PIEZO1: variants seen among roughly 807,000 people sequenced by gnomAD.
The protein encoded by PIEZO1 is piezo type mechanosensitive ion channel component 1 (Er blood group), also known as piezo-type mechanosensitive ion channel component 1.
A neutral mutation model predicts 297.2 loss-of-function variants in PIEZO1; 296 were observed. The ratio of observed to expected loss-of-function variants is 1.00; its 90% CI spans 0.91 to 1.10. The LOEUF (loss-of-function observed/expected upper bound fraction) is 1.10, where lower values mean the gene tolerates loss of function less well. Among genes scored for constraint, PIEZO1 ranks in the 50% least tolerant of loss-of-function variants. PIEZO1 has a pLI of 0.00. For missense variants in PIEZO1, 5,018 were observed against 3,455.5 expected (o/e 1.45, Z -11.34); for synonymous variants, 2,427 against 1,507.5 (o/e 1.61, Z -14.13).
intron 1 of PIEZO1, among the ~76,000 whole-genome samples, chr16:88,774,718 C>T (rs1057260889): frequency 6.6e-6 from 1 of 152,218 alleles, no homozygotes; most frequent in Admixed American, 6.5e-5. Flanking sequence ...TGTCTTATGC[C>T]ACAGTGGCTG....
At position 88,733,664 on chromosome 16, in the gene PIEZO1, A is replaced by T. The variant is rs1211768487; in HGVS notation, c.2411T>A (p.Val804Glu). The change falls in exon 18 of 51, where the codon GTG (valine) becomes GAG (glutamate). Residue 804 changes from valine (V) to glutamate (E), a missense_variant. By Grantham distance (121) the Val-to-Glu change is moderately radical (BLOSUM62 -2). Coordinates refer to ENST00000301015, the MANE Select transcript of PIEZO1 (RefSeq NM_001142864.4). ...AAGCTCCAGCAGCCGCCGCAGGAACACCTGCACGCGTGAGAGGACGTCCGA... is the reference window on the plus strand; with the variant it reads ...AAGCTCCAGCAGCCGCCGCAGGAACTCCTGCACGCGTGAGAGGACGTCCGA... ...GFSDVLSRVQ[V>E]FLRRLLELHV... 1 of 1,549,684 alleles carries T rather than the reference A, an allele frequency of 6.5e-7. No individual in the cohort carries two copies.
At position 88,734,881 on chromosome 16, in the gene PIEZO1, G is replaced by C. The variant is rs1046127930; in HGVS notation, c.1842C>G (p.Leu614=). Residue 614 remains leucine (L), a synonymous_variant, in exon 14 of 51, where the codon CTC becomes CTG. Coordinates refer to ENST00000301015, the MANE Select transcript of PIEZO1 (RefSeq NM_001142864.4). ...ATCCCGGCCCCCCAGCCACCTGGAA[G>C]AGGGTGAGGCAGAGCAGGAAGAGGA... ...YMFLFLLCLT[L]FQVYYSLWRK... The C allele has an allele frequency of 2.9e-5, 45 of 1,550,244 alleles. No individual in the cohort carries two copies. The highest frequency in any genetic ancestry group is 2.2e-4 in the East Asian group (9 of 40,934).
chr16:88,723,104 CCTCCTCGGGGCCCTCTGCTGG>C lies in PIEZO1; in HGVS notation c.4465_4485del (p.Pro1489_Glu1495del), dbSNP rs1171139430. On this transcript the variant is annotated inframe_deletion, in exon 33 of 51. Transcript: ENST00000301015. Reference sequence around the variant, plus strand: ...CCCCGGGCCCACGTACCTGCCGCTGCCTCCTCGGGGCCCTCTGCTGGCTCCACCTCCTGGCTGGGACCACCT... The same window carrying C: ...CCCCGGGCCCACGTACCTGCCGCTGCCTCCACCTCCTGGCTGGGACCACCT... The C allele has an allele frequency of 3.2e-6, 5 of 1,548,080 alleles. No individual in the cohort carries two copies. Among genetic ancestry groups the C allele is most frequent in the African/African-American group, 2.7e-5 (2 of 73,030 alleles).
intron 44 of PIEZO1, chr16:88,717,635 CAAAGT>C (rs956622528): frequency 1.5e-5 from 7 of 456,712 alleles, no homozygotes; most frequent in African/African-American, 8.0e-5. Flanking sequence ...GCGAAGGAAA[CAAAGT>C]AAACCAGATA....
intron 1 of PIEZO1, among the ~76,000 whole-genome samples, chr16:88,781,685 G>C (rs115928839): frequency 6.6e-6 from 1 of 152,240 alleles, no homozygotes; most frequent in Non-Finnish European, 1.5e-5. Flanking sequence ...CCTGAGACCC[G>C]GGCACAGGCC....
intron 22 of PIEZO1, among the ~76,000 whole-genome samples, chr16:88,730,330 G>A (rs928565708): frequency 6.7e-6 from 1 of 149,466 alleles, no homozygotes; most frequent in Non-Finnish European, 1.5e-5. Context: ...GGCAGCTCAC[G>A]CCTGTAATCC....
chr16:88,733,969 C>T lies in PIEZO1; in HGVS notation c.2266G>A (p.Glu756Lys), dbSNP rs532200658. 4.6e-6 allele frequency: 7 copies of T among 1,534,802 alleles called. No individual in the cohort carries two copies. The South Asian group carries it at 7.2e-5, about 16-fold the overall frequency. The change falls in exon 17 of 51, where the codon GAG (glutamate) becomes AAG (lysine). Residue 756 changes from glutamate (E) to lysine (K), a missense_variant. Glu to Lys is a moderately conservative substitution (Grantham distance 56). Coordinates refer to ENST00000301015, the MANE Select transcript of PIEZO1 (RefSeq NM_001142864.4). ...QQQQEEEEEE[E>K]DSRDEGLGVA... ...CCCAGCCCCTCGTCCCTGGAGTCCT[C>T]CTCCTCCTCCTCCTCCTCCTGCTGC...
intron 33 of PIEZO1, 37 bp downstream of exon 33, chr16:88,723,058 G>T: frequency 6.5e-7 from 1 of 1,545,066 alleles, no homozygotes; most frequent in Non-Finnish European, 8.7e-7. Context: ...GTGGGGCCAA[G>T]AGAGACCTCC....
At chr16:88,782,295 T>C (rs1907970716) in intron 1 of PIEZO1, among the ~76,000 whole-genome samples, 1 of 152,082 alleles carries the variant, frequency 6.6e-6, no homozygotes, top group South Asian at 2.1e-4. Flanking sequence ...ATATTTTTCA[T>C]AGAGATGGGG....
Position 88,733,270 on chromosome 16 carries a change from G to A in PIEZO1, c.2664+8C>T, listed in dbSNP as rs749835002. On this transcript the variant is annotated splice_region_variant and intron_variant, in intron 19 of 50. Transcript: ENST00000301015. Reference sequence around the variant, plus strand: ...CTTCCTCCCGTCCCAGCCCTCGGGGGCCGGTACCTCGGTGCAGTTGCTGGA... The same window carrying A: ...CTTCCTCCCGTCCCAGCCCTCGGGGACCGGTACCTCGGTGCAGTTGCTGGA... The A allele has an allele frequency of 2.1e-5, 33 of 1,536,800 alleles. No homozygotes were observed. The highest frequency in any genetic ancestry group is 2.3e-5 in the Non-Finnish European group (26 of 1,135,838).
At chr16:88,729,972 C>T (rs1437806669) in intron 22 of PIEZO1, among the ~76,000 whole-genome samples, 1 of 152,266 alleles carries the variant, frequency 6.6e-6, no homozygotes, top group African/African-American at 2.4e-5. Flanking sequence ...CACAGGATGG[C>T]GACTGCATGG....
At chr16:88,724,031 C>A in intron 30 of PIEZO1, 60 bp from the exon 31 acceptor site, 1 of 1,046,774 alleles carries the variant, frequency 9.6e-7, no homozygotes, top group Non-Finnish European at 1.4e-6. Context: ...AGCCAGACCC[C>A]CTCCGCCTGC....
Position 88,734,436 on chromosome 16 carries a change from G to A in PIEZO1, c.2100C>T (p.Tyr700=), listed in dbSNP as rs759891355. ...TGAGCTGCATGAAGGGCCTGTGGAA[G>A]TAGTGCAGCTGCAGGATGCAGGCCA... is the stretch of plus-strand genomic sequence containing the variant. The part of the protein sequence containing the change: ...FLLACILQLH[Y]FHRPFMQLTD... The change falls in exon 16 of 51, where the codon TAC becomes TAT. Residue 700 remains tyrosine, a synonymous_variant. Transcript: ENST00000301015. 2.6e-6 allele frequency: 4 copies of A among 1,550,006 alleles called. No homozygotes were observed. Among genetic ancestry groups the A allele is most frequent in the Admixed American group, 3.9e-5 (2 of 50,980 alleles).
In PIEZO1 at chr16:88,721,280, C is replaced by T. The variant is rs756712639; in HGVS notation, c.5554G>A (p.Asp1852Asn). The change falls in exon 39 of 51, where the codon GAC (aspartate) becomes AAC (asparagine). Residue 1852 changes from aspartate (D) to asparagine (N), a missense_variant. Coordinates refer to ENST00000301015, the MANE Select transcript of PIEZO1 (RefSeq NM_001142864.4). Reference protein sequence around the residue: ...IQVEARVGPTDGTPEPQVELR... With the variant: ...IQVEARVGPTNGTPEPQVELR... ...TCCACTTGGGGTTCTGGGGTCCCGT[C>T]CGTGGGTCCGACCCTGGCTTCCACC... 1 of 1,544,606 alleles carries T rather than the reference C, an allele frequency of 6.5e-7. No homozygotes were observed. Among genetic ancestry groups the T allele is most frequent in the South Asian group, 1.2e-5 (1 of 84,042 alleles).
chr16:88,732,011 G>A, intron 21 of PIEZO1, 101 bp from the exon 22 acceptor site: 1 of 44,388 alleles, frequency 2.3e-5, no homozygotes, highest in South Asian at 2.4e-4. Flanking sequence ...AGCCCTGCCT[G>A]GAGGCTGCGG....
intron 41 of PIEZO1, 26 bp from the exon 42 acceptor site, chr16:88,720,309 G>C (rs1184369117): frequency 1.9e-6 from 3 of 1,550,106 alleles, no homozygotes; most frequent in Admixed American, 2.0e-5. Flanking sequence ...CACAGGTCAG[G>C]GGGAGCCAAG....
In PIEZO1 at chr16:88,722,897, G is replaced by A. The variant is rs747640715; in HGVS notation, c.4608C>T (p.His1536=). 8.3e-5 allele frequency: 128 copies of A among 1,549,038 alleles called. 1 individual carries two copies. The highest frequency in any genetic ancestry group is 5.0e-4 in the South Asian group (42 of 84,066). The change falls in exon 34 of 51, where the codon CAC becomes CAT. Residue 1536 remains histidine, a synonymous_variant. Coordinates refer to ENST00000301015, the MANE Select transcript of PIEZO1 (RefSeq NM_001142864.4). ...TRWLQEFTRH[H]GTMSDVLRAE... is the part of the protein sequence containing the mutation. The stretch of plus-strand genomic sequence containing the variant: ...CCCGCAGCACGTCGCTCATGGTGCC[G>A]TGGTGCCGGGTGAACTCCTGCAGCC...
chr16:88,747,905 G>A (rs1267146556), intron 2 of PIEZO1, among the ~76,000 whole-genome samples: 2 of 152,192 alleles, frequency 1.3e-5, no homozygotes, highest in Non-Finnish European at 2.9e-5. Context: ...CCCAAGCCCA[G>A]GAAGGTAGGC....
intron 1 of PIEZO1, among the ~76,000 whole-genome samples, chr16:88,782,927 G>A (rs939947091): frequency 6.6e-6 from 1 of 152,230 alleles, no homozygotes; most frequent in Non-Finnish European, 1.5e-5. Flanking sequence ...TGAGGCCCAG[G>A]CCCCACGCCC....
Sources: gnomAD v4.1 joint callset for allele counts (sites outside exome capture counted in the v4.1 genomes callset) on GRCh38, gnomAD v4.1.1 for gene constraint, MANE v1.5 for transcripts, NCBI Gene and HGNC (gene_info 2026-07-23, HGNC 2026-07-21) for gene names.